Variants in PITPNM2 observed in about 807,000 individuals in gnomAD.
PITPNM2 encodes phosphatidylinositol transfer protein membrane associated 2.
In PITPNM2, 35 loss-of-function variants were observed where a neutral mutation model predicts 132.2. The ratio of observed to expected loss-of-function variants is 0.26; its 90% CI spans 0.20 to 0.35. The LOEUF is 0.35. PITPNM2 is among the 10% of genes least tolerant of loss of function. PITPNM2 has a pLI of 1.00. For missense variants in PITPNM2, 1,332 were observed against 1,912.0 expected (o/e 0.70, Z 5.66); for synonymous variants, 738 against 799.2 (o/e 0.92, Z 1.29).
intron 2 of PITPNM2, among the ~76,000 whole-genome samples, chr12:123,038,272 C>T (rs988934030): frequency 6.6e-5 from 10 of 152,218 alleles, no homozygotes; most frequent in Non-Finnish European, 1.2e-4. Flanking sequence ...CTATATCTTA[C>T]AGTTAAATGC....
At chr12:123,001,217 C>G (rs1214407112) in intron 8 of PITPNM2, 59 bp from the exon 9 acceptor site, 14 of 1,403,436 alleles carry the variant, frequency 1.0e-5, no homozygotes, top group Non-Finnish European at 1.4e-5. Flanking sequence ...GCCTGGCTTC[C>G]CGAGGTGGGG....
chr12:123,003,783 C>G (rs2038797755), intron 8 of PITPNM2, among the ~76,000 whole-genome samples: 1 of 152,234 alleles, frequency 6.6e-6, no homozygotes, highest in African/African-American at 2.4e-5. Context: ...CCCAAGCCCC[C>G]AACCCCTACA....
At chr12:123,132,129 C>A (rs1205956692) in intron 1 of PITPNM2, among the ~76,000 whole-genome samples, 1 of 152,254 alleles carries the variant, frequency 6.6e-6, no homozygotes, top group South Asian at 2.1e-4. Flanking sequence ...GGACCGCAGG[C>A]AGTTGGCATC....
rs928575532 is a variant in PITPNM2, at chr12:123,106,493, G to A, written c.-96+3892C>T. Among the ~76,000 whole-genome samples, 4 of 152,214 alleles carry A rather than the reference G, an allele frequency of 2.6e-5. No individual in the cohort carries two copies. The highest frequency in any genetic ancestry group is 4.8e-5 in the African/African-American group (2 of 41,456). On this transcript the variant is annotated intron_variant, in intron 2 of 25. Transcript: ENST00000320201. This position sits in a 1 kb window ranked among gnomAD's most constrained non-coding sequence, Gnocchi z 4.4. ...GCAAACAAGGCAAATGCAGGGGTCAGTCCCCAGAGCTCCGGGGAACAGGAA... is the reference window on the plus strand; with the variant it reads ...GCAAACAAGGCAAATGCAGGGGTCAATCCCCAGAGCTCCGGGGAACAGGAA...
chr12:123,047,576 CCT>C (rs1299200743), intron 2 of PITPNM2, among the ~76,000 whole-genome samples: 1 of 152,130 alleles, frequency 6.6e-6, no homozygotes, highest in East Asian at 1.9e-4. Flanking sequence ...ATGCCAACCC[CCT>C]CTTTCAGTAA....
At chr12:123,125,624 C>G (rs2043120843) in intron 1 of PITPNM2, among the ~76,000 whole-genome samples, 1 of 151,718 alleles carries the variant, frequency 6.6e-6, no homozygotes, top group African/African-American at 2.4e-5. Context: ...GGGGGCGGAT[C>G]ACGAGGTCAG....
At chr12:123,059,681 C>T (rs2041169033) in intron 2 of PITPNM2, among the ~76,000 whole-genome samples, 1 of 152,198 alleles carries the variant, frequency 6.6e-6, no homozygotes, top group Non-Finnish European at 1.5e-5. Context: ...GCTTGTAGCA[C>T]AGCAGGGACA....
rs752950484 is a variant in PITPNM2 at position 123,106,732 on chromosome 12, G to A, written c.-96+3653C>T. Reference sequence around the variant, plus strand: ...CTGTGGGGACAGCAAAGGAGCTGAGGAGGAGCTCTCTGTGGACTTCAGGGC... The same window carrying A: ...CTGTGGGGACAGCAAAGGAGCTGAGAAGGAGCTCTCTGTGGACTTCAGGGC... On this transcript the variant is annotated intron_variant, in intron 2 of 25. Coordinates refer to ENST00000320201, the MANE Select transcript of PITPNM2 (RefSeq NM_020845.3). The surrounding 1 kb of genome is among the most constrained non-coding windows in gnomAD (Gnocchi z 4.4). Among the ~76,000 whole-genome samples the A allele has an allele frequency of 6.6e-6, 1 of 152,234 alleles. No individual in the cohort carries two copies. The highest frequency in any genetic ancestry group is 1.5e-5 in the Non-Finnish European group (1 of 68,048).
intron 2 of PITPNM2, among the ~76,000 whole-genome samples, chr12:123,071,438 T>G (rs1005692247): frequency 1.3e-5 from 2 of 152,190 alleles, no homozygotes; most frequent in Admixed American, 1.3e-4. Flanking sequence ...GCTGGATAAC[T>G]CTGCTGCCCA....
At position 122,994,400 on chromosome 12, in the gene PITPNM2, C is replaced by T. The variant is rs1208367405; in HGVS notation, c.2233+401G>A. On this transcript the variant is annotated intron_variant, in intron 15 of 25. Transcript: ENST00000320201. The surrounding 1 kb of genome is among the most constrained non-coding windows in gnomAD (Gnocchi z 5.4). ...ACAGAGACGCACAGCTGTGGCCCCT[C>T]CAGGGCTGGGAGCCCACTATACCCA... 2.6e-5 allele frequency among the ~76,000 whole-genome samples: 4 copies of T among 152,206 alleles called. No individual in the cohort carries two copies. Among genetic ancestry groups the T allele is most frequent in the African/African-American group, 9.6e-5 (4 of 41,454 alleles).
chr12:123,125,639 T>G (rs2043121164), intron 1 of PITPNM2, among the ~76,000 whole-genome samples: 3 of 151,556 alleles, frequency 2.0e-5, no homozygotes, highest in Non-Finnish European at 4.4e-5. Context: ...GGTCAGGAGT[T>G]TGAGACCAGC....
chr12:123,143,612 C>T (rs946130687), intron 1 of PITPNM2, among the ~76,000 whole-genome samples: 1 of 152,144 alleles, frequency 6.6e-6, no homozygotes, highest in African/African-American at 2.4e-5. Flanking sequence ...GAAACACCTC[C>T]GTAAGAGGAT....
intron 10 of PITPNM2, among the ~76,000 whole-genome samples, chr12:122,999,559 T>C (rs904638779): frequency 6.6e-6 from 1 of 152,126 alleles, no homozygotes; most frequent in African/African-American, 2.4e-5. Context: ...CACTGGGGGC[T>C]GAGAGAATCC....
chr12:122,990,060 G>A (rs548742879), intron 17 of PITPNM2, 112 bp from the exon 18 acceptor site: 3 of 946,922 alleles, frequency 3.2e-6, no homozygotes, highest in East Asian at 6.4e-5. Flanking sequence ...GCTATCAAGG[G>A]CGAGCCCATT....
chr12:123,024,348 G>A (rs1345301512), intron 3 of PITPNM2, among the ~76,000 whole-genome samples: 1 of 152,210 alleles, frequency 6.6e-6, no homozygotes, highest in Non-Finnish European at 1.5e-5. Flanking sequence ...TGCAGCTGCT[G>A]TGGCAAACAG....
At position 122,989,925 on chromosome 12, in the gene PITPNM2, T is replaced by C. The variant is rs1248918093; in HGVS notation, c.2593A>G (p.Thr865Ala). Residue 865 changes from threonine (T) to alanine (A), a missense_variant, in exon 18 of 26, where the codon ACC becomes GCC. Physicochemically the swap from Thr to Ala is moderately conservative, Grantham distance 58. Transcript: ENST00000320201. ...AGGGACAGACGCCTGACGCTGGGGG[T>C]ATGGCTGAGCGCATCGGGGGCCTCT... ...AQKAPDALSH[T>A]PSVRRLSLLA... 20 of 1,314,724 alleles carry C rather than the reference T, an allele frequency of 1.5e-5. No homozygotes were observed. Among genetic ancestry groups the C allele is most frequent in the Non-Finnish European group, 1.8e-5 (18 of 1,027,976 alleles). The allele number at this position is 1,314,724 out of a possible 1,614,324, so 81.4% of individuals were successfully genotyped here.
At chr12:123,128,751 C>CAAA (rs776224035) in intron 1 of PITPNM2, among the ~76,000 whole-genome samples, 1 of 92,054 alleles carries the variant, frequency 1.1e-5, no homozygotes, top group Non-Finnish European at 2.3e-5. Context: ...GACTCGATAT[C>CAAA]AAAAAAAAAA....
intron 1 of PITPNM2, among the ~76,000 whole-genome samples, chr12:123,125,893 G>A (rs2043130212): frequency 1.4e-5 from 1 of 71,008 alleles, no homozygotes; most frequent in South Asian, 6.7e-4. Flanking sequence ...TTTTTGAGAT[G>A]GAGTCTCGCA....
intron 13 of PITPNM2, 39 bp from the exon 14 acceptor site, chr12:122,995,699 C>G (rs957172537): frequency 2.0e-6 from 3 of 1,534,432 alleles, no homozygotes; most frequent in African/African-American, 2.7e-5. Flanking sequence ...CAGGTGGCCG[C>G]TGGCCTGACC....
Sources: allele counts gnomAD v4.1 joint callset (sites outside exome capture counted in the v4.1 genomes callset), GRCh38; gene constraint gnomAD v4.1.1; non-coding constraint Gnocchi (gnomAD v3.1); transcripts MANE v1.5; gene names NCBI Gene and HGNC (gene_info 2026-07-23, HGNC 2026-07-21).